MRPS7: variants seen among roughly 807,000 people sequenced by gnomAD.
The protein encoded by MRPS7 is small ribosomal subunit protein uS7m.
A neutral mutation model predicts 26.2 loss-of-function variants in MRPS7; 13 were observed. The observed-to-expected ratio is 0.50, with a 90% confidence interval of 0.32 to 0.79. MRPS7 has a LOEUF of 0.79. Ranked by LOEUF, MRPS7 falls within the 30% of genes least tolerant of loss-of-function variation. MRPS7 has a pLI of 0.03. For synonymous variants in MRPS7, 129 were observed against 113.3 expected, an observed-to-expected ratio of 1.14 and a Z score of -0.88; for missense variants, 318 against 312.2, an observed-to-expected ratio of 1.02 and a Z score of -0.14.
At chr17:75,265,596 C>T in intron 4 of MRPS7, 106 bp from the exon 5 acceptor site, 1 of 982,596 alleles carries the variant, frequency 1.0e-6, no homozygotes, top group Non-Finnish European at 1.6e-6. Flanking sequence ...CTGACCAGGG[C>T]TGGTCCAGAG....
At position 75,265,801 on chromosome 17, in the gene MRPS7, G is replaced by A; in HGVS notation, c.607G>A (p.Glu203Lys). The A allele has an allele frequency of 1.2e-6, 2 of 1,614,190 alleles. No individual in the cohort carries two copies. Among genetic ancestry groups the A allele is most frequent in the Admixed American group, 3.3e-5 (2 of 60,030 alleles). ...DKKHQRTLMP[E>K]KLSHKLLEAF... is the part of the protein sequence containing the mutation. The stretch of plus-strand genomic sequence containing the variant: ...AAAGCACCAGCGGACACTGATGCCG[G>A]AGAAGCTGTCACACAAGCTGCTGGA... The change falls in exon 5 of 5, where the codon GAG becomes AAG. Residue 203 changes from glutamate to lysine, a missense_variant. Transcript: ENST00000245539.
At chr17:75,264,010 A>G (rs1163322948) in intron 4 of MRPS7, 1 of 152,070 alleles carries the variant, frequency 6.6e-6, no homozygotes, top group African/African-American at 2.4e-5. Flanking sequence ...CCCTGTTTCT[A>G]CTAACAATAC....
In MRPS7 at chr17:75,265,798, C is replaced by A. The variant is rs780133586; in HGVS notation, c.604C>A (p.Pro202Thr). Residue 202 changes from proline (P) to threonine (T), a missense_variant, in exon 5 of 5, where the codon CCG (proline) becomes ACG (threonine). By Grantham distance (38) the Pro-to-Thr change is conservative. Coordinates refer to ENST00000245539, the MANE Select transcript of MRPS7 (RefSeq NM_015971.4). Reference protein sequence around the residue: ...RDKKHQRTLMPEKLSHKLLEA... With the variant: ...RDKKHQRTLMTEKLSHKLLEA... Reference sequence around the variant, plus strand: ...TAAAAAGCACCAGCGGACACTGATGCCGGAGAAGCTGTCACACAAGCTGCT... The same window carrying A: ...TAAAAAGCACCAGCGGACACTGATGACGGAGAAGCTGTCACACAAGCTGCT... The A allele has an allele frequency of 5.6e-6, 9 of 1,614,196 alleles. No individual in the cohort carries two copies. The highest frequency in any genetic ancestry group is 1.7e-4 in the Middle Eastern group (1 of 6,060).
In MRPS7 at chr17:75,262,003, CG is replaced by C. The variant is rs200739528; in HGVS notation, c.83+22del. On this transcript the variant is annotated intron_variant, in intron 1 of 4. Coordinates refer to ENST00000245539, the MANE Select transcript of MRPS7 (RefSeq NM_015971.4). ...TCCAGGGTGAGAGGGTGGCGAGCAGCGGCGGGGGGGCGCTGCGAGGAAGGAA... is the reference window on the plus strand; with the variant it reads ...TCCAGGGTGAGAGGGTGGCGAGCAGCGCGGGGGGGCGCTGCGAGGAAGGAA... The C allele has an allele frequency of 4.1e-5, 59 of 1,450,554 alleles. No homozygotes were observed. The highest frequency in any genetic ancestry group is 6.4e-5 in the Admixed American group (3 of 46,548). The allele number at this position is 1,450,554 out of a possible 1,614,324, so 89.9% of individuals were successfully genotyped here.
chr17:75,262,152 C>T, intron 1 of MRPS7, 169 bp downstream of exon 1: 1 of 800,758 alleles, frequency 1.2e-6, no homozygotes, highest in South Asian at 1.7e-5. Flanking sequence ...TTAGTGACTA[C>T]CTCTCGCCTA....
At position 75,266,278 on chromosome 17, in the gene MRPS7, A is replaced by C. The variant is rs1383239640; in HGVS notation, c.*355A>C. 1 of 379,730 alleles carries C rather than the reference A, an allele frequency of 2.6e-6. No homozygotes were observed. Among genetic ancestry groups the C allele is most frequent in the East Asian group, 6.1e-5 (1 of 16,500 alleles). 23.5% of individuals were successfully genotyped at this position (379,730 alleles called of 1,614,324 possible). A position where few individuals can be genotyped will look rare whatever the true frequency, so the allele number is the denominator to read the frequency against. ...GAAAATTCTCACGCTGAACTGGTGT[A>C]GCATGTGGTGCAGCATTCAGTGAAA... On this transcript the variant is annotated 3_prime_UTR_variant, in exon 5 of 5. Coordinates refer to ENST00000245539, the MANE Select transcript of MRPS7 (RefSeq NM_015971.4).
Position 75,263,882 on chromosome 17 carries a change from GA to G in MRPS7, c.507+393del, listed in dbSNP as rs61513124. 2.6e-3 allele frequency: 250 copies of G among 97,844 alleles called. 4 individuals carry two copies. Among genetic ancestry groups the G allele is most frequent in the African/African-American group, 6.1e-3 (151 of 24,922 alleles). The allele number at this position is 97,844 out of a possible 1,614,324, so 6.1% of individuals were successfully genotyped here. On this transcript the variant is annotated intron_variant, in intron 4 of 4. Transcript: ENST00000245539. ...GGCAAGAGAGAGAAACCTTGTCTCAGAAAAAAAAAAAAAAAAAACGGCTGGG... is the reference window on the plus strand; with the variant it reads ...GGCAAGAGAGAGAAACCTTGTCTCAGAAAAAAAAAAAAAAAAACGGCTGGG...
chr17:75,263,072 T>TAA, intron 3 of MRPS7: 15 of 624,316 alleles, frequency 2.4e-5, no homozygotes, highest in South Asian at 1.8e-4. Context: ...AACACACAAT[T>TAA]AAAAAAAAAG....
chr17:75,266,156 C>T lies in MRPS7; in HGVS notation c.*233C>T. ...AGGGAGCACATTGACTTGGGAATTTCCTCCAGGAAACTCAGGGCTGTTTTC... is the reference window on the plus strand; with the variant it reads ...AGGGAGCACATTGACTTGGGAATTTTCTCCAGGAAACTCAGGGCTGTTTTC... On this transcript the variant is annotated 3_prime_UTR_variant, in exon 5 of 5. Transcript: ENST00000245539. 1.1e-5 allele frequency: 6 copies of T among 559,346 alleles called. No individual in the cohort carries two copies. The highest frequency in any genetic ancestry group is 3.1e-5 in the Admixed American group (1 of 32,020). 34.6% of individuals were successfully genotyped at this position (559,346 alleles called of 1,614,324 possible).
chr17:75,263,365 A>AT lies in MRPS7; in HGVS notation c.365_366insT (p.Gln122HisfsTer3). The stretch of plus-strand genomic sequence containing the variant: ...ACTCTGGAAGCTGTGAAAAGGAAGC[A>AT]GTTTGAGAAGTACCATGCCGCTTCT... On this transcript the variant is annotated frameshift_variant, in exon 4 of 5. Transcript: ENST00000245539. LOFTEE classifies it high-confidence loss of function. 7.4e-6 allele frequency: 12 copies of AT among 1,614,148 alleles called. No homozygotes were observed. Among genetic ancestry groups the AT allele is most frequent in the Non-Finnish European group, 1.0e-5 (12 of 1,180,034 alleles).
At chr17:75,263,882 G>GAAA (rs61513124) in intron 4 of MRPS7, 50,824 of 97,506 alleles carry the variant, frequency 0.52, 16,616 homozygotes, top group East Asian at 0.83. Context: ...CCTTGTCTCA[G>GAAA]AAAAAAAAAA....
In MRPS7 at chr17:75,263,379, C is replaced by A. The variant is rs1302426515; in HGVS notation, c.379C>A (p.His127Asn). The A allele has an allele frequency of 6.2e-7, 1 of 1,614,140 alleles. No individual in the cohort carries two copies. Among genetic ancestry groups the A allele is most frequent in the Non-Finnish European group, 8.5e-7 (1 of 1,180,038 alleles). ...GAAAAGGAAGCAGTTTGAGAAGTAC[C>A]ATGCCGCTTCTGCAGAGGAACAGGC... ...AVKRKQFEKY[H>N]AASAEEQATI... is the part of the protein sequence containing the mutation. Residue 127 changes from histidine (H) to asparagine (N), a missense_variant, in exon 4 of 5, where the codon CAT (histidine) becomes AAT (asparagine). By Grantham distance (68) the His-to-Asn change is moderately conservative (BLOSUM62 1). Coordinates refer to ENST00000245539, the MANE Select transcript of MRPS7 (RefSeq NM_015971.4).
chr17:75,265,226 C>CTAATTAGCATTTTAGTA, intron 4 of MRPS7, among the ~76,000 whole-genome samples: 1 of 151,550 alleles, frequency 6.6e-6, no homozygotes, highest in Non-Finnish European at 1.5e-5. Context: ...TTAGTAGAGA[C>CTAATTAGCATTTTAGTA]GAGGTTTCAC....
chr17:75,262,666 G>C lies in MRPS7; in HGVS notation c.253G>C (p.Val85Leu). The change falls in exon 2 of 5, where the codon GTG becomes CTG. Residue 85 changes from valine (V) to leucine (L), a missense_variant. Val to Leu is a conservative substitution (Grantham distance 32, BLOSUM62 1). Coordinates refer to ENST00000245539, the MANE Select transcript of MRPS7 (RefSeq NM_015971.4). ...TGCTCCAGCAGGGAAAACAAGTTCTGTGTTTGAAGACCCAGTCATCAGGTT... is the reference window on the plus strand; with the variant it reads ...TGCTCCAGCAGGGAAAACAAGTTCTCTGTTTGAAGACCCAGTCATCAGGTT... ...KAAPAGKTSS[V>L]FEDPVISKFT... 1 of 1,614,172 alleles carries C rather than the reference G, an allele frequency of 6.2e-7. No individual in the cohort carries two copies. The highest frequency in any genetic ancestry group is 8.5e-7 in the Non-Finnish European group (1 of 1,180,036).
intron 1 of MRPS7, 61 bp from the exon 2 acceptor site, chr17:75,262,436 G>A: frequency 3.2e-6 from 5 of 1,569,604 alleles, no homozygotes; most frequent in Non-Finnish European, 4.3e-6. Context: ...CTATTGTTAA[G>A]TCAAACCTAC....
intron 4 of MRPS7, 188 bp downstream of exon 4, chr17:75,263,695 A>G: frequency 1.4e-5 from 10 of 731,172 alleles, no homozygotes; most frequent in Non-Finnish European, 2.2e-5. Flanking sequence ...GCAGGGCAAC[A>G]TAGGGAGATC....
rs769770368 is a variant in MRPS7 at position 75,261,949 on chromosome 17, T to G, written c.49T>G (p.Leu17Val). 6.2e-7 allele frequency: 1 copy of G among 1,608,302 alleles called. No homozygotes were observed. The highest frequency in any genetic ancestry group is 1.3e-5 in the African/African-American group (1 of 74,990). The stretch of plus-strand genomic sequence containing the variant: ...TGCCCGAGGATGGTCGGGCCTGGCG[T>G]TGGGCGTGCGGCGGGCTGTCTTGCA... ...KVARGWSGLA[L>V]GVRRAVLQLP... is the part of the protein sequence containing the mutation. The change falls in exon 1 of 5, where the codon TTG becomes GTG. Residue 17 changes from leucine (L) to valine (V), a missense_variant. Coordinates refer to ENST00000245539, the MANE Select transcript of MRPS7 (RefSeq NM_015971.4).
In MRPS7 at chr17:75,266,267, T is replaced by C. The variant is rs1161871781; in HGVS notation, c.*344T>C. ...AAGATTTATTAGAAAATTCTCACGC[T>C]GAACTGGTGTAGCATGTGGTGCAGC... On this transcript the variant is annotated 3_prime_UTR_variant, in exon 5 of 5. Transcript: ENST00000245539. 2 of 381,214 alleles carry C rather than the reference T, an allele frequency of 5.2e-6. No individual in the cohort carries two copies. The highest frequency in any genetic ancestry group is 9.7e-6 in the Non-Finnish European group (2 of 205,324). 23.6% of individuals were successfully genotyped at this position (381,214 alleles called of 1,614,324 possible). A position where few individuals can be genotyped will look rare whatever the true frequency, so the allele number is the denominator to read the frequency against.
At chr17:75,264,165 G>A (rs923104599) in intron 4 of MRPS7, 19 of 131,316 alleles carry the variant, frequency 1.4e-4, no homozygotes, top group African/African-American at 4.8e-4. Context: ...AGAGCAAGAC[G>A]CCATCTCAAA....
Sources: gnomAD v4.1 joint callset for allele counts (sites outside exome capture counted in the v4.1 genomes callset) on GRCh38, gnomAD v4.1.1 for gene constraint, MANE v1.5 for transcripts, NCBI Gene and HGNC (gene_info 2026-07-23, HGNC 2026-07-21) for gene names.